UST: variants seen among roughly 807,000 people sequenced by gnomAD.
UST encodes uronyl 2-sulfotransferase, also known as chondroitin sulfate 2-O-sulfotransferase.
In UST, 21 loss-of-function variants were observed where a neutral mutation model predicts 45.6. That is an observed-to-expected ratio of 0.46 (90% CI 0.33 to 0.66). The LOEUF (loss-of-function observed/expected upper bound fraction) is 0.66. Among genes scored for constraint, UST ranks in the 30% least tolerant of loss-of-function variants. UST has a pLI of 0.02. For synonymous variants in UST, 215 were observed against 200.6 expected (o/e 1.07, Z -0.61); for missense variants, 463 against 512.4 (o/e 0.90, Z 0.93).
At chr6:148,899,361 A>T (rs1779204605) in intron 2 of UST, among the ~76,000 whole-genome samples, 1 of 152,190 alleles carries the variant, frequency 6.6e-6, no homozygotes, top group South Asian at 2.1e-4. Context: ...GGCCTCCCAA[A>T]GTGCTGGGAT....
chr6:148,911,550 G>A, intron 2 of UST, among the ~76,000 whole-genome samples: 1 of 152,152 alleles, frequency 6.6e-6, no homozygotes, highest in African/African-American at 2.4e-5. Flanking sequence ...TACACTTGAT[G>A]CCTTCCCCTT....
intron 5 of UST, chr6:148,990,486 T>G (rs921028375): frequency 1.3e-6 from 1 of 747,592 alleles, no homozygotes; most frequent in Non-Finnish European, 1.6e-6. Context: ...GACACCAGTG[T>G]GTTTTCCTGG....
At chr6:148,946,230 G>C (rs1013376662) in intron 3 of UST, among the ~76,000 whole-genome samples, 2 of 152,120 alleles carry the variant, frequency 1.3e-5, no homozygotes, top group African/African-American at 4.8e-5. Flanking sequence ...CAAGAAGGTG[G>C]GCCAGGCATG....
intron 5 of UST, among the ~76,000 whole-genome samples, chr6:148,973,376 T>A (rs559555418): frequency 6.6e-6 from 1 of 152,204 alleles, no homozygotes; most frequent in Non-Finnish European, 1.5e-5. Flanking sequence ...TTTATTTAGG[T>A]TGACGAGGCA....
intron 1 of UST, among the ~76,000 whole-genome samples, chr6:148,794,643 C>T (rs1235026612): frequency 1.3e-5 from 2 of 152,182 alleles, no homozygotes; most frequent in East Asian, 1.9e-4. Flanking sequence ...ATGTTGCTTG[C>T]TCGATCCCAG....
chr6:148,921,978 C>T (rs905893034), intron 2 of UST, among the ~76,000 whole-genome samples: 5 of 152,122 alleles, frequency 3.3e-5, no homozygotes, highest in Admixed American at 1.3e-4. Flanking sequence ...AGGAGGACAT[C>T]GGCCACAGGA....
chr6:149,019,152 G>A lies in UST; in HGVS notation c.695G>A (p.Cys232Tyr), dbSNP rs1043316083. The A allele has an allele frequency of 1.2e-6, 2 of 1,613,064 alleles. No homozygotes were observed. The highest frequency in any genetic ancestry group is 1.3e-5 in the African/African-American group (1 of 74,868). The change falls in exon 6 of 8, where the codon TGT becomes TAT. Residue 232 changes from cysteine to tyrosine, a missense_variant. Cys to Tyr is a radical substitution (Grantham distance 194, BLOSUM62 -2). Transcript: ENST00000367463. ...TTTCTCTTCTAGGATATCAATGAGT[G>A]TATTCTTGAAAACTATCCCGAGTGC... ...QEERYLDINECILENYPECSN... is the reference protein window; with the variant it reads ...QEERYLDINEYILENYPECSN...
At chr6:148,957,955 C>G (rs2114948113) in intron 4 of UST, among the ~76,000 whole-genome samples, 1 of 152,302 alleles carries the variant, frequency 6.6e-6, no homozygotes, top group Non-Finnish European at 1.5e-5. Flanking sequence ...CCGCACGGTA[C>G]TTGCTGGCAA....
At chr6:148,774,185 G>C (rs954704370) in intron 1 of UST, among the ~76,000 whole-genome samples, 1 of 151,878 alleles carries the variant, frequency 6.6e-6, no homozygotes, top group African/African-American at 2.4e-5. Flanking sequence ...ATCACTATGG[G>C]ATTTAGAAAG....
At chr6:148,980,086 A>T (rs935541600) in intron 5 of UST, among the ~76,000 whole-genome samples, 2 of 152,106 alleles carry the variant, frequency 1.3e-5, no homozygotes, top group Non-Finnish European at 2.9e-5. Flanking sequence ...TCAAGGACTC[A>T]CAGTCTCTCT....
chr6:148,921,769 C>G (rs79368021), intron 2 of UST, among the ~76,000 whole-genome samples: 11 of 152,084 alleles, frequency 7.2e-5, no homozygotes, highest in African/African-American at 2.4e-4. Context: ...AGCATCCAGT[C>G]GCAGTCATGA....
rs561491787 is a variant in UST at position 148,790,953 on chromosome 6, G to A, written c.247+43276G>A. On this transcript the variant is annotated intron_variant, in intron 1 of 7. Coordinates refer to ENST00000367463, the MANE Select transcript of UST (RefSeq NM_005715.3). The surrounding 1 kb of genome is among the most constrained non-coding windows in gnomAD (Gnocchi z 4.2). ...TGCACATCTCTCCCTCAGGATCTGC[G>A]CAACAGTTAAAGGTGCACGCGTTAG... 6.6e-5 allele frequency among the ~76,000 whole-genome samples: 10 copies of A among 152,318 alleles called. No individual in the cohort carries two copies. The highest frequency in any genetic ancestry group is 4.1e-4 in the South Asian group (2 of 4,830).
At chr6:148,884,865 C>A (rs936889140) in intron 1 of UST, among the ~76,000 whole-genome samples, 2 of 152,082 alleles carry the variant, frequency 1.3e-5, no homozygotes, top group Non-Finnish European at 2.9e-5. Context: ...GGGTTGGTAC[C>A]TATAGCATAG....
At chr6:148,856,959 A>G (rs548194317) in intron 1 of UST, among the ~76,000 whole-genome samples, 1 of 149,112 alleles carries the variant, frequency 6.7e-6, no homozygotes, top group East Asian at 1.9e-4. Flanking sequence ...TATATATTAC[A>G]TTATATAATA....
At chr6:149,060,911 G>A (rs1442626192) in intron 7 of UST, among the ~76,000 whole-genome samples, 1 of 152,062 alleles carries the variant, frequency 6.6e-6, no homozygotes, top group Non-Finnish European at 1.5e-5. Flanking sequence ...GTAAACTTTG[G>A]CCCCTCTTTT....
At chr6:148,990,648 G>C (rs1781331016) in intron 5 of UST, among the ~76,000 whole-genome samples, 2 of 152,162 alleles carry the variant, frequency 1.3e-5, no homozygotes, top group Non-Finnish European at 2.9e-5. Context: ...AACAGTAGCA[G>C]ATCCTGACAA....
At chr6:148,844,565 G>A (rs535297371) in intron 1 of UST, among the ~76,000 whole-genome samples, 7 of 152,084 alleles carry the variant, frequency 4.6e-5, no homozygotes, top group Non-Finnish European at 1.0e-4. Flanking sequence ...TTCCCTGTCT[G>A]CTCCAGCCAC....
intron 2 of UST, among the ~76,000 whole-genome samples, chr6:148,929,557 C>T (rs1162728355): frequency 4.6e-5 from 7 of 152,054 alleles, no homozygotes; most frequent in African/African-American, 1.7e-4. Context: ...GATGGAAGAG[C>T]GAGATGGAAC....
intron 7 of UST, among the ~76,000 whole-genome samples, chr6:149,035,730 C>G (rs556575980): frequency 1.3e-5 from 2 of 151,184 alleles, no homozygotes; most frequent in East Asian, 3.9e-4. Context: ...TGTGCCACTG[C>G]GCTTCAGCCT....
Sources: gnomAD v4.1 joint callset for allele counts (sites outside exome capture counted in the v4.1 genomes callset) on GRCh38, gnomAD v4.1.1 for gene constraint, Gnocchi (gnomAD v3.1) non-coding constraint, MANE v1.5 for transcripts, NCBI Gene and HGNC (gene_info 2026-07-23, HGNC 2026-07-21) for gene names.